The following PTPRK variants were observed in gnomAD, a reference collection of about 807,000 sequenced individuals.
PTPRK encodes the protein protein tyrosine phosphatase receptor type K, also known as receptor-type tyrosine-protein phosphatase kappa.
A neutral mutation model predicts 178.0 loss-of-function variants in PTPRK; 75 were observed. That is an observed-to-expected ratio of 0.42 (90% CI 0.35 to 0.51). The LOEUF (loss-of-function observed/expected upper bound fraction) is 0.51, where lower values mean the gene tolerates loss of function less well. Ranked by LOEUF, PTPRK falls within the 20% of genes least tolerant of loss-of-function variation. PTPRK has a pLI of 0.02. For synonymous variants in PTPRK, 637 were observed against 620.6 expected, an observed-to-expected ratio of 1.03 and a Z score of -0.39; for missense variants, 1,441 against 1,797.8, an observed-to-expected ratio of 0.80 and a Z score of 3.59.
intron 1 of PTPRK, among the ~76,000 whole-genome samples, chr6:128,464,858 A>C (rs1849650025): frequency 6.7e-6 from 1 of 148,266 alleles, no homozygotes; most frequent in Non-Finnish European, 1.5e-5. Context: ...GACAATAACA[A>C]CACAAAAAAA....
At chr6:128,118,781 C>T (rs1352924398) in intron 7 of PTPRK, among the ~76,000 whole-genome samples, 1 of 152,260 alleles carries the variant, frequency 6.6e-6, no homozygotes, top group Admixed American at 6.5e-5. Flanking sequence ...TCAGCTGCTT[C>T]CTATTTATTC....
At chr6:128,230,479 C>A (rs186277864) in intron 5 of PTPRK, among the ~76,000 whole-genome samples, 4 of 152,108 alleles carry the variant, frequency 2.6e-5, no homozygotes, top group Non-Finnish European at 5.9e-5. Context: ...ATGGACGGCA[C>A]CTCTGGGATG....
At chr6:128,186,054 A>T (rs1802711963) in intron 6 of PTPRK, among the ~76,000 whole-genome samples, 2 of 152,156 alleles carry the variant, frequency 1.3e-5, no homozygotes, top group Non-Finnish European at 2.9e-5. Context: ...CTGTACAGCT[A>T]CACAGGCTAA....
At chr6:128,447,688 G>A (rs1036458636) in intron 1 of PTPRK, among the ~76,000 whole-genome samples, 2 of 150,622 alleles carry the variant, frequency 1.3e-5, no homozygotes, top group South Asian at 4.2e-4. Flanking sequence ...GCAATGGCAC[G>A]ATCTTGGCTC....
chr6:128,224,170 T>C (rs1810884135), intron 5 of PTPRK, among the ~76,000 whole-genome samples: 2 of 152,160 alleles, frequency 1.3e-5, no homozygotes, highest in Admixed American at 1.3e-4. Flanking sequence ...CACACAAATA[T>C]ATGATCCAAG....
chr6:128,496,948 T>C (rs1188383435), intron 1 of PTPRK, among the ~76,000 whole-genome samples: 1 of 152,236 alleles, frequency 6.6e-6, no homozygotes, highest in African/African-American at 2.4e-5. Flanking sequence ...GGCCAAGTTG[T>C]TCTGGAATCA....
At chr6:128,126,659 T>TA (rs1203210483) in intron 7 of PTPRK, among the ~76,000 whole-genome samples, 2 of 151,956 alleles carry the variant, frequency 1.3e-5, no homozygotes, top group Non-Finnish European at 2.9e-5. Context: ...GATAATTAAA[T>TA]AAAAAAATCT....
At chr6:127,981,968 T>C (rs1775393266) in intron 24 of PTPRK, among the ~76,000 whole-genome samples, 1 of 152,196 alleles carries the variant, frequency 6.6e-6, no homozygotes, top group East Asian at 1.9e-4. Flanking sequence ...ACCTCCTGAG[T>C]AGCTGGGACT....
In PTPRK at chr6:128,184,481, A is replaced by C. The variant is rs779378175; in HGVS notation, c.1113T>G (p.Gly371=). The C allele has an allele frequency of 6.2e-7, 1 of 1,613,722 alleles. No individual in the cohort carries two copies. Among genetic ancestry groups the C allele is most frequent in the East Asian group, 2.2e-5 (1 of 44,832 alleles). ...IRVLLTRPGE[G]GTGLPGPPLI... is the part of the protein sequence containing the mutation. ...GTGGAGGTCCTGGGAGCCCCGTTCC[A>C]CCTTCACCAGGTCTTGTAAGTAGAA... The change falls in exon 7 of 30, where the codon GGT becomes GGG. Residue 371 remains glycine (G), a synonymous_variant. Coordinates refer to ENST00000368226, the MANE Select transcript of PTPRK (RefSeq NM_002844.4).
chr6:128,127,966 G>A (rs573000425), intron 7 of PTPRK, among the ~76,000 whole-genome samples: 1 of 152,162 alleles, frequency 6.6e-6, no homozygotes, highest in Admixed American at 6.5e-5. Context: ...AAAATGATGT[G>A]TATTATTTAT....
chr6:128,445,663 T>C (rs573392207), intron 1 of PTPRK, among the ~76,000 whole-genome samples: 142 of 152,284 alleles, frequency 9.3e-4, no homozygotes, highest in African/African-American at 3.2e-3. Context: ...GGCAATTATA[T>C]ATTTGATTTT....
At position 128,520,518 on chromosome 6, in the gene PTPRK, C is replaced by T; in HGVS notation, c.-160G>A. 1.6e-6 allele frequency: 1 copy of T among 642,358 alleles called. No homozygotes were observed. The highest frequency in any genetic ancestry group is 2.7e-6 in the Non-Finnish European group (1 of 370,694). The allele number at this position is 642,358 out of a possible 1,614,324, so 39.8% of individuals were successfully genotyped here. ...TCCTTCTTCGCGGTCGCCAAACTAC[C>T]TCAGGGGCGAAAGCGTCGCCAGCGT... On this transcript the variant is annotated 5_prime_UTR_variant, in exon 1 of 30. Transcript: ENST00000368226.
At chr6:128,352,640 C>T (rs957626602) in intron 2 of PTPRK, among the ~76,000 whole-genome samples, 2 of 152,286 alleles carry the variant, frequency 1.3e-5, no homozygotes, top group East Asian at 1.9e-4. Context: ...GGAGTTCCCT[C>T]TGCATGGAGG....
chr6:128,450,414 G>A (rs966000686), intron 1 of PTPRK, among the ~76,000 whole-genome samples: 2 of 152,158 alleles, frequency 1.3e-5, no homozygotes, highest in African/African-American at 4.8e-5. Context: ...TCTAATGCAT[G>A]GAAGAAATTC....
chr6:128,179,050 T>C (rs989240293), intron 7 of PTPRK, among the ~76,000 whole-genome samples: 1 of 151,954 alleles, frequency 6.6e-6, no homozygotes, highest in African/African-American at 2.4e-5. Context: ...ACCACAAGCC[T>C]AGAGTTAGCC....
chr6:128,238,195 A>G (rs1813685773), intron 5 of PTPRK: 6 of 404,392 alleles, frequency 1.5e-5, no homozygotes, highest in East Asian at 1.7e-4. Context: ...CAAAAAAAAA[A>G]AAAAAAAGAA....
intron 1 of PTPRK, among the ~76,000 whole-genome samples, chr6:128,428,109 A>G (rs890061350): frequency 3.3e-5 from 5 of 152,070 alleles, no homozygotes; most frequent in Non-Finnish European, 5.9e-5. Context: ...AAGAAAAAAA[A>G]AGTTTGGCAT....
chr6:128,171,303 C>G (rs903003256), intron 7 of PTPRK, among the ~76,000 whole-genome samples: 16 of 152,070 alleles, frequency 1.1e-4, no homozygotes, highest in African/African-American at 3.6e-4. Flanking sequence ...AAAGATTGAA[C>G]CGCACTTTCA....
At chr6:128,398,480 T>G (rs1368155524) in intron 1 of PTPRK, among the ~76,000 whole-genome samples, 1 of 152,054 alleles carries the variant, frequency 6.6e-6, no homozygotes, top group Non-Finnish European at 1.5e-5. Context: ...CCACCTGGAG[T>G]CTAAATCGTT....
Sources: allele counts gnomAD v4.1 joint callset (sites outside exome capture counted in the v4.1 genomes callset), GRCh38; gene constraint gnomAD v4.1.1; transcripts MANE v1.5; gene names NCBI Gene and HGNC (gene_info 2026-07-23, HGNC 2026-07-21).